Variants in SLC28A1 observed in about 807,000 individuals in gnomAD.
The protein encoded by SLC28A1 is solute carrier family 28 member 1.
SLC28A1 carries 64 observed loss-of-function variants against 74.8 expected under a neutral mutation model. The observed-to-expected ratio is 0.86, with a 90% confidence interval of 0.70 to 1.05. The LOEUF (loss-of-function observed/expected upper bound fraction) is 1.05, where lower values mean the gene tolerates loss of function less well. Among genes scored for constraint, SLC28A1 ranks in the 50% least tolerant of loss-of-function variants. SLC28A1 has a pLI of 0.00. For missense variants in SLC28A1, 828 were observed against 822.8 expected (o/e 1.01, Z -0.08); for synonymous variants, 359 against 335.0 (o/e 1.07, Z -0.78).
chr15:84,908,841 A>G (rs1967705267), intron 9 of SLC28A1, 46 bp downstream of exon 9: 5 of 1,495,172 alleles, frequency 3.3e-6, no homozygotes, highest in Non-Finnish European at 4.7e-6. Context: ...GCCACCGCCC[A>G]GCGACTCCAG....
chr15:84,927,752 A>C (rs1437806184), intron 12 of SLC28A1, among the ~76,000 whole-genome samples: 1 of 152,206 alleles, frequency 6.6e-6, no homozygotes, highest in African/African-American at 2.4e-5. Flanking sequence ...AATTGGACTG[A>C]TAAATGGGAG....
downstream of SLC28A1, among the ~76,000 whole-genome samples, chr15:84,949,268 A>T (rs2079334529): frequency 6.6e-6 from 1 of 152,256 alleles, no homozygotes; most frequent in African/African-American, 2.4e-5. Flanking sequence ...AAGCCAGAAC[A>T]CAGCATGGTA....
chr15:84,973,810 A>G, the SLC28A1 span, among the ~76,000 whole-genome samples: 2 of 152,194 alleles, frequency 1.3e-5, no homozygotes, highest in Admixed American at 1.3e-4. Flanking sequence ...AAGGCATTCA[A>G]TAAAGAGTAC....
intron 5 of SLC28A1, 86 bp downstream of exon 5, chr15:84,890,620 A>G (rs1026338344): frequency 1.8e-6 from 2 of 1,095,162 alleles, no homozygotes; most frequent in Non-Finnish European, 2.7e-6. Flanking sequence ...TCACTCACCC[A>G]GTCATTCAAC....
At chr15:84,972,972 T>C in the SLC28A1 span, among the ~76,000 whole-genome samples, 3 of 152,216 alleles carry the variant, frequency 2.0e-5, no homozygotes, top group African/African-American at 4.8e-5. Context: ...GGCTACCTCC[T>C]TCACACTTAG....
intron 15 of SLC28A1, among the ~76,000 whole-genome samples, chr15:84,937,775 T>C (rs4843009): frequency 0.9 from 137,435 of 152,158 alleles, 62,302 homozygotes; most frequent in African/African-American, 0.98. Context: ...TTGGAATGTG[T>C]CTGTAGTCCC....
intron 2 of SLC28A1, 200 bp from the exon 3 acceptor site, chr15:84,887,545 T>C: frequency 1.0e-6 from 1 of 985,366 alleles, no homozygotes; most frequent in Non-Finnish European, 1.2e-6. Context: ...ACCTCCTCCA[T>C]GTGCTGAGAA....
rs572834694 is a variant in SLC28A1, at chr15:84,900,266, G to T, written c.462-3831G>T. On this transcript the variant is annotated intron_variant, in intron 6 of 18. Transcript: ENST00000394573. ...AATTGCTTGAACCTGGGAGGTGGAG[G>T]TTGCAGTGAGCCGAGATCACGCCAC... Among the ~76,000 whole-genome samples, 8 of 151,900 alleles carry T rather than the reference G, an allele frequency of 5.3e-5. No homozygotes were observed. The East Asian group carries it at 1.5e-3, about 29-fold the overall frequency.
intron 16 of SLC28A1, among the ~76,000 whole-genome samples, chr15:84,943,728 A>G (rs1972981017): frequency 6.6e-6 from 1 of 152,160 alleles, no homozygotes; most frequent in Non-Finnish European, 1.5e-5. Flanking sequence ...CAGGAGTTTG[A>G]GGCCAACCTG....
chr15:84,952,050 A>T, the SLC28A1 span, among the ~76,000 whole-genome samples: 1 of 152,140 alleles, frequency 6.6e-6, no homozygotes, highest in Non-Finnish European at 1.5e-5. Flanking sequence ...GACCTGATCC[A>T]CTGGTAAGTG....
chr15:84,948,150 C>G (rs1442140791), downstream of SLC28A1, among the ~76,000 whole-genome samples: 1 of 152,130 alleles, frequency 6.6e-6, no homozygotes, highest in African/African-American at 2.4e-5. Flanking sequence ...CCCTTTCTTC[C>G]CATGGCCCTG....
chr15:84,944,752 A>G lies in SLC28A1; in HGVS notation c.1763-4A>G, dbSNP rs1226088773. 2 of 1,611,958 alleles carry G rather than the reference A, an allele frequency of 1.2e-6. No individual in the cohort carries two copies. The highest frequency in any genetic ancestry group is 1.7e-5 in the Admixed American group (1 of 59,980). ...CTGCCCCACCCACCACTTTCCCTCT[A>G]CAGGGATCCTCTACATGCCCAGGGG... is the stretch of plus-strand genomic sequence containing the variant. On this transcript the variant is annotated splice_region_variant and splice_polypyrimidine_tract_variant and intron_variant, in intron 17 of 18. Transcript: ENST00000394573.
chr15:84,930,503 G>C (rs1485534277), intron 12 of SLC28A1, among the ~76,000 whole-genome samples: 1 of 152,088 alleles, frequency 6.6e-6, no homozygotes, highest in Non-Finnish European at 1.5e-5. Flanking sequence ...AAAGAAGAAG[G>C]ACACAATACC....
chr15:84,901,501 T>C (rs1340534101), intron 6 of SLC28A1, among the ~76,000 whole-genome samples: 1 of 140,916 alleles, frequency 7.1e-6, no homozygotes, highest in Non-Finnish European at 1.6e-5. Context: ...AGAGCGATAC[T>C]CCATCTCAAA....
At chr15:84,909,903 C>T (rs2141831399) in intron 9 of SLC28A1, among the ~76,000 whole-genome samples, 1 of 152,366 alleles carries the variant, frequency 6.6e-6, no homozygotes, top group East Asian at 1.9e-4. Context: ...CCACTGTTCC[C>T]AGAGTCTCCC....
chr15:84,973,199 T>C, the SLC28A1 span, among the ~76,000 whole-genome samples: 1 of 152,244 alleles, frequency 6.6e-6, no homozygotes, highest in African/African-American at 2.4e-5. Flanking sequence ...AAGGCCTTTG[T>C]ACTTTCTTTT....
At chr15:84,973,134 G>T in the SLC28A1 span, among the ~76,000 whole-genome samples, 1 of 152,130 alleles carries the variant, frequency 6.6e-6, no homozygotes, top group African/African-American at 2.4e-5. Flanking sequence ...TCTGTTCTTA[G>T]CTATCCTGGC....
chr15:84,951,004 T>A, the SLC28A1 span, among the ~76,000 whole-genome samples: 2 of 152,196 alleles, frequency 1.3e-5, no homozygotes, highest in Non-Finnish European at 2.9e-5. Context: ...CAGGCTGTGG[T>A]TGCTGACCCC....
intron 4 of SLC28A1, 145 bp downstream of exon 4, chr15:84,889,005 G>T: frequency 1.5e-6 from 1 of 650,276 alleles, no homozygotes. Flanking sequence ...TAGCCAACAC[G>T]CACAGGCACA....
Sources: allele counts gnomAD v4.1 joint callset (sites outside exome capture counted in the v4.1 genomes callset), GRCh38; gene constraint gnomAD v4.1.1; transcripts MANE v1.5; gene names NCBI Gene and HGNC (gene_info 2026-07-23, HGNC 2026-07-21).